Variants in SLIT2 observed in about 807,000 individuals in gnomAD.
SLIT2 encodes slit guidance ligand 2, also known as slit homolog 2 protein.
A neutral mutation model predicts 185.7 loss-of-function variants in SLIT2; 41 were observed. That is an observed-to-expected ratio of 0.22 (90% CI 0.17 to 0.29). The LOEUF is 0.29. SLIT2 is among the 10% of genes least tolerant of loss of function. SLIT2 has a pLI of 1.00. For synonymous variants in SLIT2, 693 were observed against 680.2 expected (o/e 1.02, Z -0.29); for missense variants, 1,571 against 1,909.0 (o/e 0.82, Z 3.30).
At chr4:20,445,896 C>A (rs574742238) in intron 4 of SLIT2, among the ~76,000 whole-genome samples, 1 of 152,270 alleles carries the variant, frequency 6.6e-6, no homozygotes, top group East Asian at 1.9e-4. Context: ...CTAAAAGCGG[C>A]AAAGTATGCA....
Position 20,618,759 on chromosome 4 carries a change from C to T in SLIT2, c.4349-9C>T. ...TCTTAAAATGCTTGTGCTTTTTGTT[C>T]TTTTCTAGAAATCTCTTGTCGAGGG... On this transcript the variant is annotated splice_polypyrimidine_tract_variant and intron_variant, in intron 36 of 36. Transcript: ENST00000504154. 1 of 1,573,704 alleles carries T rather than the reference C, an allele frequency of 6.4e-7. No homozygotes were observed.
At chr4:20,354,922 A>T (rs940349702) in intron 4 of SLIT2, among the ~76,000 whole-genome samples, 5 of 151,142 alleles carry the variant, frequency 3.3e-5, no homozygotes, top group African/African-American at 1.2e-4. Context: ...AGAGAGAGAG[A>T]GAGAGAGAGA....
intron 4 of SLIT2, among the ~76,000 whole-genome samples, chr4:20,389,464 C>T (rs1317334641): frequency 4.0e-5 from 6 of 151,412 alleles, no homozygotes; most frequent in Admixed American, 3.3e-4. Flanking sequence ...GTGAACACAA[C>T]GTGTGGCAGA....
intron 4 of SLIT2, among the ~76,000 whole-genome samples, chr4:20,273,637 A>G (rs1713865147): frequency 1.3e-5 from 2 of 152,184 alleles, no homozygotes; most frequent in Non-Finnish European, 2.9e-5. Flanking sequence ...TTCAGTAGAC[A>G]TAACACAATC....
rs1035271444 is a variant in SLIT2, at chr4:20,511,102, A to G, written c.1023A>G (p.Pro341=). The G allele has an allele frequency of 3.7e-6, 6 of 1,608,788 alleles. No homozygotes were observed. Among genetic ancestry groups the G allele is most frequent in the Non-Finnish European group, 5.1e-6 (6 of 1,175,830 alleles). The change falls in exon 11 of 37, where the codon CCA becomes CCG. Residue 341 remains proline, a synonymous_variant. Coordinates refer to ENST00000504154, the MANE Select transcript of SLIT2 (RefSeq NM_004787.4). ...LSNNQISELA[P]DAFQGLRSLN... is the part of the protein sequence containing the mutation. ...ATAATCAGATCTCTGAACTTGCACC[A>G]GATGCTTTCCAAGGACTACGCTCTC... is the stretch of plus-strand genomic sequence containing the variant.
intron 4 of SLIT2, among the ~76,000 whole-genome samples, chr4:20,420,653 G>A (rs1048493641): frequency 2.6e-5 from 4 of 151,906 alleles, no homozygotes; most frequent in Non-Finnish European, 4.4e-5. Flanking sequence ...GGAAGGAAAA[G>A]GAGAGAGAAA....
At chr4:20,410,463 C>A (rs1227206295) in intron 4 of SLIT2, among the ~76,000 whole-genome samples, 2 of 151,002 alleles carry the variant, frequency 1.3e-5, no homozygotes, top group Non-Finnish European at 3.0e-5. Context: ...ACCATGTTGG[C>A]CAGGCTGGTC....
intron 4 of SLIT2, among the ~76,000 whole-genome samples, chr4:20,445,375 T>C (rs1353720760): frequency 6.6e-6 from 1 of 152,190 alleles, no homozygotes; most frequent in Non-Finnish European, 1.5e-5. Flanking sequence ...TCTTTAAAAA[T>C]CAAATGAATT....
At chr4:20,277,203 T>C (rs1490450769) in intron 4 of SLIT2, among the ~76,000 whole-genome samples, 1 of 152,110 alleles carries the variant, frequency 6.6e-6, no homozygotes, top group African/African-American at 2.4e-5. Flanking sequence ...AATTAACACC[T>C]AAGGGGAAAA....
chr4:20,257,264 A>C (rs1181366207), intron 2 of SLIT2, among the ~76,000 whole-genome samples: 1 of 152,064 alleles, frequency 6.6e-6, no homozygotes, highest in East Asian at 1.9e-4. Flanking sequence ...CTTCTATAAA[A>C]TTGTTGCAAT....
chr4:20,397,456 T>C (rs1175220576), intron 4 of SLIT2, among the ~76,000 whole-genome samples: 2 of 151,800 alleles, frequency 1.3e-5, no homozygotes, highest in Non-Finnish European at 2.9e-5. Context: ...GATTATCTAC[T>C]AGTTTGTTCT....
chr4:20,339,717 C>T (rs976247259), intron 4 of SLIT2, among the ~76,000 whole-genome samples: 1 of 152,044 alleles, frequency 6.6e-6, no homozygotes, highest in Admixed American at 6.5e-5. Context: ...TAAAGACAGG[C>T]CATGTTGTGA....
chr4:20,481,206 A>G (rs539224898), intron 6 of SLIT2, among the ~76,000 whole-genome samples: 4 of 152,158 alleles, frequency 2.6e-5, no homozygotes, highest in Non-Finnish European at 5.9e-5. Flanking sequence ...AGCTGATTTA[A>G]CATTATTTTT....
intron 4 of SLIT2, among the ~76,000 whole-genome samples, chr4:20,293,340 A>C (rs117807194): frequency 6.6e-6 from 1 of 152,236 alleles, no homozygotes; most frequent in South Asian, 2.1e-4. Flanking sequence ...AAATAATACC[A>C]TAGTCCAAAG....
chr4:20,297,035 T>TCC (rs1481021782), intron 4 of SLIT2, among the ~76,000 whole-genome samples: 1 of 152,222 alleles, frequency 6.6e-6, no homozygotes, highest in African/African-American at 2.4e-5. Context: ...ATCTTGATTT[T>TCC]CAAAGTGCCA....
In SLIT2 at chr4:20,595,766, G is replaced by A. The variant is rs199620619; in HGVS notation, c.3252G>A (p.Lys1084=). The change falls in exon 31 of 37, where the codon AAG becomes AAA. Residue 1084 remains lysine (K), a synonymous_variant. Transcript: ENST00000504154. ...ATTTTGACGACTGCCAAGACAACAA[G>A]TGTAAAAACGGAGCCCACTGCACAG... ...DIDFDDCQDN[K]CKNGAHCTDA... is the part of the protein sequence containing the mutation. 1.2e-6 allele frequency: 2 copies of A among 1,614,134 alleles called. No individual in the cohort carries two copies. Among genetic ancestry groups the A allele is most frequent in the African/African-American group, 2.7e-5 (2 of 75,026 alleles).
At chr4:20,483,076 G>GTACT (rs1716870982) in intron 6 of SLIT2, among the ~76,000 whole-genome samples, 1 of 151,920 alleles carries the variant, frequency 6.6e-6, no homozygotes, top group African/African-American at 2.4e-5. Context: ...TCTTTAGGAT[G>GTACT]TACTGTCTTA....
chr4:20,580,943 C>T lies in SLIT2; in HGVS notation c.3089-8701C>T, dbSNP rs540338839. ...ATGAAATAAAATGAGAGGAAAGAGACGTAAAAATGAAAAAAAGAAAAAGAA... is the reference window on the plus strand; with the variant it reads ...ATGAAATAAAATGAGAGGAAAGAGATGTAAAAATGAAAAAAAGAAAAAGAA... On this transcript the variant is annotated intron_variant, in intron 29 of 36. Coordinates refer to ENST00000504154, the MANE Select transcript of SLIT2 (RefSeq NM_004787.4). Among the ~76,000 whole-genome samples, 8 of 151,460 alleles carry T rather than the reference C, an allele frequency of 5.3e-5. No homozygotes were observed. The South Asian group carries it at 6.3e-4, about 12-fold the overall frequency.
intron 4 of SLIT2, among the ~76,000 whole-genome samples, chr4:20,417,894 C>T (rs1727829837): frequency 6.6e-6 from 1 of 152,098 alleles, no homozygotes; most frequent in Non-Finnish European, 1.5e-5. Context: ...TCTTGTGGCC[C>T]TTATAATCAC....
Sources: allele counts gnomAD v4.1 joint callset (sites outside exome capture counted in the v4.1 genomes callset), GRCh38; gene constraint gnomAD v4.1.1; transcripts MANE v1.5; gene names NCBI Gene and HGNC (gene_info 2026-07-23, HGNC 2026-07-21).